Variants in MAN2A1 observed in about 807,000 individuals in gnomAD.
MAN2A1 encodes alpha-mannosidase 2.
In MAN2A1, 76 loss-of-function variants were observed where a neutral mutation model predicts 142.6. That is an observed-to-expected ratio of 0.53 (90% CI 0.44 to 0.65). The LOEUF (loss-of-function observed/expected upper bound fraction) is 0.65. MAN2A1 is among the 30% of genes least tolerant of loss of function. The pLI is 0.00. For synonymous variants in MAN2A1, 559 were observed against 473.2 expected (o/e 1.18, Z -2.35); for missense variants, 1,311 against 1,365.1 (o/e 0.96, Z 0.62).
chr5:109,738,899 A>C (rs1454523021), intron 4 of MAN2A1, among the ~76,000 whole-genome samples: 1 of 152,022 alleles, frequency 6.6e-6, no homozygotes, highest in East Asian at 1.9e-4. Flanking sequence ...GCTGGAGTGC[A>C]GTGGTATGAT....
chr5:109,840,424 AC>A, intron 16 of MAN2A1: 1 of 445,198 alleles, frequency 2.2e-6, no homozygotes, highest in African/African-American at 2.1e-5. Context: ...GTGCATTTCT[AC>A]CAGGTTTCTG....
chr5:109,718,592 T>C (rs921500956), intron 3 of MAN2A1, among the ~76,000 whole-genome samples: 3 of 152,190 alleles, frequency 2.0e-5, no homozygotes, highest in Admixed American at 2.0e-4. Context: ...ATGGCCTAGC[T>C]GAACACTTGG....
chr5:109,804,572 C>G (rs1218967518), intron 12 of MAN2A1, among the ~76,000 whole-genome samples: 1 of 152,002 alleles, frequency 6.6e-6, no homozygotes, highest in Non-Finnish European at 1.5e-5. Context: ...TGTTTTGTAT[C>G]TTTAATCGGT....
chr5:109,866,070 C>A (rs1755872742), intron 21 of MAN2A1, among the ~76,000 whole-genome samples: 1 of 152,162 alleles, frequency 6.6e-6, no homozygotes, highest in Non-Finnish European at 1.5e-5. Context: ...GAGCCCTGAA[C>A]CTACTTAGAT....
chr5:109,722,137 G>C (rs905081087), intron 3 of MAN2A1, among the ~76,000 whole-genome samples: 1 of 152,172 alleles, frequency 6.6e-6, no homozygotes, highest in Non-Finnish European at 1.5e-5. Flanking sequence ...CACAGGCTGA[G>C]CATATAGGAG....
At chr5:109,828,106 A>G (rs1031515330) in intron 16 of MAN2A1, among the ~76,000 whole-genome samples, 2 of 101,528 alleles carry the variant, frequency 2.0e-5, no homozygotes, top group East Asian at 7.1e-4. Context: ...CTCTGTCTCA[A>G]AAAAAAAAAA....
intron 10 of MAN2A1, among the ~76,000 whole-genome samples, chr5:109,786,633 C>A (rs1753602347): frequency 6.6e-6 from 1 of 152,050 alleles, no homozygotes; most frequent in Non-Finnish European, 1.5e-5. Flanking sequence ...AAGTCATAAA[C>A]AATTACCAAG....
intron 6 of MAN2A1, among the ~76,000 whole-genome samples, chr5:109,769,831 A>G (rs932871859): frequency 3.3e-5 from 5 of 152,158 alleles, no homozygotes; most frequent in Admixed American, 2.0e-4. Context: ...TCTCCTCACC[A>G]TAAGAGGAAA....
intron 12 of MAN2A1, among the ~76,000 whole-genome samples, chr5:109,800,900 C>G (rs1754010804): frequency 1.3e-5 from 2 of 152,110 alleles, no homozygotes; most frequent in Non-Finnish European, 2.9e-5. Flanking sequence ...AATCATTAGG[C>G]AATTAAATAA....
At chr5:109,757,676 C>T (rs555495374) in intron 5 of MAN2A1, among the ~76,000 whole-genome samples, 1 of 152,188 alleles carries the variant, frequency 6.6e-6, no homozygotes, top group East Asian at 1.9e-4. Context: ...AACCTTATAC[C>T]CAGTAGTAGT....
intron 12 of MAN2A1, among the ~76,000 whole-genome samples, chr5:109,804,657 G>T (rs1480227074): frequency 6.6e-6 from 1 of 152,070 alleles, no homozygotes; most frequent in Non-Finnish European, 1.5e-5. Flanking sequence ...GTAGAAAGTG[G>T]TTTGTGTTTT....
chr5:109,816,280 GA>G (rs1400467038), intron 12 of MAN2A1, among the ~76,000 whole-genome samples: 10 of 152,176 alleles, frequency 6.6e-5, no homozygotes, highest in Non-Finnish European at 1.5e-4. Flanking sequence ...TTATGTGAAG[GA>G]TGTCATAATA....
In MAN2A1 at chr5:109,765,052, T is replaced by G. The variant is rs143020242; in HGVS notation, c.836-2483T>G. 1.6e-3 allele frequency among the ~76,000 whole-genome samples: 238 copies of G among 152,260 alleles called. 2 individuals are homozygous for G. The highest frequency in any genetic ancestry group is 5.5e-3 in the African/African-American group (227 of 41,568). On this transcript the variant is annotated intron_variant, in intron 5 of 21. Transcript: ENST00000261483. ...AGGACACTTTTATACGTAAATATAA[T>G]AAAGTTATCAAATCAGGAATGTTAA...
intron 4 of MAN2A1, among the ~76,000 whole-genome samples, chr5:109,747,751 C>T (rs530195301): frequency 6.6e-6 from 1 of 152,170 alleles, no homozygotes; most frequent in African/African-American, 2.4e-5. Flanking sequence ...GGGTATACTG[C>T]CTGGGAATAA....
At chr5:109,691,283 C>T (rs1006093263) in intron 1 of MAN2A1, among the ~76,000 whole-genome samples, 3 of 152,084 alleles carry the variant, frequency 2.0e-5, no homozygotes, top group African/African-American at 7.2e-5. Flanking sequence ...TTTAAAGTTA[C>T]CAAAAATAAG....
At chr5:109,756,728 C>G (rs913244494) in intron 5 of MAN2A1, among the ~76,000 whole-genome samples, 3 of 152,170 alleles carry the variant, frequency 2.0e-5, no homozygotes, top group Non-Finnish European at 4.4e-5. Flanking sequence ...CATAGCAGGT[C>G]TGCTATCTTT....
intron 12 of MAN2A1, among the ~76,000 whole-genome samples, chr5:109,791,014 A>C (rs1753724608): frequency 2.0e-5 from 3 of 152,110 alleles, no homozygotes; most frequent in Admixed American, 2.0e-4. Flanking sequence ...TATATTAATG[A>C]AAGAGAAAAA....
chr5:109,700,068 C>T (rs942842684), intron 1 of MAN2A1, among the ~76,000 whole-genome samples: 4 of 152,184 alleles, frequency 2.6e-5, no homozygotes, highest in East Asian at 3.9e-4. Context: ...TTTCAGTTTC[C>T]TTAACTTCTG....
At chr5:109,828,633 C>G (rs1444192248) in intron 16 of MAN2A1, among the ~76,000 whole-genome samples, 3 of 152,184 alleles carry the variant, frequency 2.0e-5, no homozygotes, top group Non-Finnish European at 4.4e-5. Flanking sequence ...ACTGTGTTCT[C>G]CTAGGCAGGT....
Sources: allele counts gnomAD v4.1 joint callset (sites outside exome capture counted in the v4.1 genomes callset), GRCh38; gene constraint gnomAD v4.1.1; transcripts MANE v1.5; gene names NCBI Gene and HGNC (gene_info 2026-07-23, HGNC 2026-07-21).